The following KIF9 variants were observed in gnomAD, a reference collection of about 807,000 sequenced individuals.
KIF9 encodes kinesin family member 9.
KIF9 carries 68 observed loss-of-function variants against 94.8 expected under a neutral mutation model. The observed-to-expected ratio is 0.72, with a 90% CI of 0.59 to 0.88. KIF9 has a LOEUF of 0.88. Among genes scored for constraint, KIF9 ranks in the 40% least tolerant of loss-of-function variants. KIF9 has a pLI of 0.00. For synonymous variants in KIF9, 343 were observed against 362.1 expected, an observed-to-expected ratio of 0.95 and a Z score of 0.60; for missense variants, 882 against 982.5, an observed-to-expected ratio of 0.90 and a Z score of 1.37.
At chr3:47,263,917 T>A in intron 9 of KIF9, 1 of 462,270 alleles carries the variant, frequency 2.2e-6, no homozygotes, top group Non-Finnish European at 4.3e-6. Context: ...GTTTTCAAGA[T>A]GTTTAAACAT....
intron 10 of KIF9, among the ~76,000 whole-genome samples, chr3:47,256,244 C>T (rs1027784130): frequency 2.6e-5 from 4 of 151,892 alleles, no homozygotes; most frequent in African/African-American, 9.7e-5. Flanking sequence ...TGAGGAGCCC[C>T]TCTGCCTGGC....
intron 9 of KIF9, among the ~76,000 whole-genome samples, chr3:47,257,766 G>A (rs369682322): frequency 6.6e-5 from 10 of 152,134 alleles, no homozygotes; most frequent in Admixed American, 2.0e-4. Flanking sequence ...GGTGACAGAG[G>A]GCACATCCAG....
At chr3:47,253,916 G>A (rs1700419312) in intron 10 of KIF9, among the ~76,000 whole-genome samples, 1 of 152,204 alleles carries the variant, frequency 6.6e-6, no homozygotes, top group Non-Finnish European at 1.5e-5. Flanking sequence ...TGCTCACAGT[G>A]CTTGTTTTAA....
chr3:47,241,693 A>G (rs573322709), intron 16 of KIF9, among the ~76,000 whole-genome samples: 189 of 150,144 alleles, frequency 1.3e-3, no homozygotes, highest in African/African-American at 4.0e-3. Flanking sequence ...ATGCATATAT[A>G]CATATATGCA....
chr3:47,262,433 C>T (rs1487034553), intron 9 of KIF9, among the ~76,000 whole-genome samples: 1 of 152,062 alleles, frequency 6.6e-6, no homozygotes, highest in Non-Finnish European at 1.5e-5. Context: ...CCACACTCTG[C>T]TAATTTTTAT....
At chr3:47,232,373 C>T (rs570920064) in intron 20 of KIF9, among the ~76,000 whole-genome samples, 4 of 152,180 alleles carry the variant, frequency 2.6e-5, no homozygotes, top group African/African-American at 7.2e-5. Context: ...CAACCTCCAC[C>T]TCCCGGGTTC....
In KIF9 at chr3:47,275,385, C is replaced by T. The variant is rs780831766; in HGVS notation, c.199G>A (p.Asp67Asn). The T allele has an allele frequency of 1.9e-6, 3 of 1,613,942 alleles. No individual in the cohort carries two copies. The East Asian group carries it at 6.7e-5, about 36-fold the overall frequency. The stretch of plus-strand genomic sequence containing the variant: ...TTTGCAACTGTCTCATAAACCAAGT[C>T]CTGGGAGGCATCGTGAAGAACTCCA... ...LDGVLHDASQ[D>N]LVYETVAKDV... Residue 67 changes from aspartate (D) to asparagine (N), a missense_variant, in exon 3 of 21, where the codon GAC becomes AAC. Transcript: ENST00000684063.
At chr3:47,246,760 C>T (rs1699951754) in intron 12 of KIF9, among the ~76,000 whole-genome samples, 1 of 152,086 alleles carries the variant, frequency 6.6e-6, no homozygotes, top group Admixed American at 6.5e-5. Context: ...ACTGCCCCTC[C>T]TGTGAAGGCC....
chr3:47,231,404 C>A (rs530285615), intron 20 of KIF9, among the ~76,000 whole-genome samples: 1 of 79,810 alleles, frequency 1.3e-5, no homozygotes, highest in African/African-American at 5.6e-5. Context: ...TCAGTATCTA[C>A]TTTTTTTTTT....
chr3:47,237,337 G>A lies in KIF9; in HGVS notation c.1925-718C>T, dbSNP rs143039893. ...TTGAATTCCTGACCTCAGGTGATCCGCCCGCCTCGGCCTCCCAAAGTGGTG... is the reference window on the plus strand; with the variant it reads ...TTGAATTCCTGACCTCAGGTGATCCACCCGCCTCGGCCTCCCAAAGTGGTG... On this transcript the variant is annotated intron_variant, in intron 17 of 20. Coordinates refer to ENST00000684063, the MANE Select transcript of KIF9 (RefSeq NM_182902.4). Among the ~76,000 whole-genome samples the A allele has an allele frequency of 1.0e-3, 152 of 152,228 alleles. 2 individuals are homozygous for A. The highest frequency in any genetic ancestry group is 3.4e-3 in the African/African-American group (142 of 41,558).
chr3:47,282,264 G>A (rs531703570), intron 1 of KIF9: 2 of 985,432 alleles, frequency 2.0e-6, no homozygotes, highest in Non-Finnish European at 2.4e-6. Flanking sequence ...TGGACGCGAC[G>A]TGGGACCCCT....
intron 17 of KIF9, chr3:47,239,537 G>T: frequency 9.1e-7 from 1 of 1,093,736 alleles, no homozygotes; most frequent in Non-Finnish European, 1.1e-6. Context: ...TGATAAGAAT[G>T]GCCCCAAGAA....
intron 5 of KIF9, 25 bp from the exon 6 acceptor site, chr3:47,267,288 A>G (rs1285441462): frequency 6.5e-7 from 1 of 1,547,490 alleles, no homozygotes; most frequent in Admixed American, 1.7e-5. Flanking sequence ...AATCATAGGC[A>G]ACATTTCGAA....
intron 5 of KIF9, among the ~76,000 whole-genome samples, chr3:47,270,974 A>AC: frequency 9.0e-6 from 1 of 110,904 alleles, no homozygotes; most frequent in Non-Finnish European, 2.1e-5. Context: ...CCTTGTCTCT[A>AC]CAAAAAAAAA....
chr3:47,240,945 G>C lies in KIF9; in HGVS notation c.1780C>G (p.Arg594Gly), dbSNP rs139797855. ...FKNEQGSEIN[R>G]IFKENKSILN... ...ATGGATTTGTTTTCTTTGAAAATTC[G>C]GTTGATCTCACTACCTTGCTCATTC... Residue 594 changes from arginine (R) to glycine (G), a missense_variant, in exon 17 of 21, where the codon CGA becomes GGA. Transcript: ENST00000684063. 1.0e-4 allele frequency: 167 copies of C among 1,613,980 alleles called. No individual in the cohort carries two copies. The highest frequency in any genetic ancestry group is 1.3e-4 in the Non-Finnish European group (155 of 1,180,024).
At chr3:47,265,965 A>G (rs750811281) in intron 7 of KIF9, 88 bp from the exon 8 acceptor site, 79 of 1,472,644 alleles carry the variant, frequency 5.4e-5, no homozygotes, top group African/African-American at 2.4e-4. Context: ...GAGAAATGCT[A>G]TAAGTCTGTG....
At chr3:47,247,292 C>A (rs1263662502) in intron 12 of KIF9, 81 bp downstream of exon 12, 3 of 918,480 alleles carry the variant, frequency 3.3e-6, no homozygotes. Context: ...GCTCTGAGGC[C>A]AGCAGAGCAT....
At chr3:47,247,196 G>A (rs1389656510) in intron 12 of KIF9, among the ~76,000 whole-genome samples, 177 bp downstream of exon 12, 1 of 152,218 alleles carries the variant, frequency 6.6e-6, no homozygotes, top group Non-Finnish European at 1.5e-5. Context: ...TCTAGGGCCT[G>A]TGCTTGTGCC....
intron 20 of KIF9, among the ~76,000 whole-genome samples, chr3:47,230,855 C>T (rs950462314): frequency 4.6e-5 from 7 of 151,958 alleles, no homozygotes; most frequent in African/African-American, 9.7e-5. Context: ...CTGGCCAACA[C>T]GGTGAAACCC....
Sources: allele counts gnomAD v4.1 joint callset (sites outside exome capture counted in the v4.1 genomes callset), GRCh38; gene constraint gnomAD v4.1.1; transcripts MANE v1.5; gene names NCBI Gene and HGNC (gene_info 2026-07-23, HGNC 2026-07-21).